The following PTPRA variants were observed in gnomAD, a reference collection of about 807,000 sequenced individuals.
PTPRA encodes protein tyrosine phosphatase receptor type A, also known as receptor-type tyrosine-protein phosphatase alpha.
Under a neutral mutation model 104.8 loss-of-function variants are expected in PTPRA, and 25 were observed. That is an observed-to-expected ratio of 0.24 (90% CI 0.17 to 0.33). The LOEUF (loss-of-function observed/expected upper bound fraction) is 0.33. Ranked by LOEUF, PTPRA falls within the 10% of genes least tolerant of loss-of-function variation. PTPRA has a pLI of 1.00. For missense variants in PTPRA, 765 were observed against 1,015.3 expected (o/e 0.75, Z 3.35); for synonymous variants, 323 against 368.9 (o/e 0.88, Z 1.43).
chr20:2,933,021 A>G (rs958888588), intron 2 of PTPRA, among the ~76,000 whole-genome samples: 1 of 152,252 alleles, frequency 6.6e-6, no homozygotes, highest in African/African-American at 2.4e-5. Flanking sequence ...TAGATCATAT[A>G]TGTAAAAAGC....
In PTPRA at chr20:2,973,123, T is replaced by C. The variant is rs566996845; in HGVS notation, c.416-2092T>C. Among the ~76,000 whole-genome samples, 4 of 151,510 alleles carry C rather than the reference T, an allele frequency of 2.6e-5. No individual in the cohort carries two copies. In the South Asian group the frequency reaches 8.3e-4, roughly 31 times the overall value. ...CTATTAATTTTTAAATTTTGTTTACTTTATGTCTCCTTTTTTTTTTTGTTT... is the reference window on the plus strand; with the variant it reads ...CTATTAATTTTTAAATTTTGTTTACCTTATGTCTCCTTTTTTTTTTTGTTT... On this transcript the variant is annotated intron_variant, in intron 5 of 23. Coordinates refer to ENST00000399903, the MANE Select transcript of PTPRA (RefSeq NM_001385305.1).
intron 1 of PTPRA, among the ~76,000 whole-genome samples, chr20:2,900,146 T>C (rs58773530): frequency 0.051 from 6,960 of 135,908 alleles, 377 homozygotes; most frequent in Admixed American, 0.12. Context: ...ATCTGCCTCC[T>C]TTTTTTTTTT....
intron 20 of PTPRA, among the ~76,000 whole-genome samples, chr20:3,032,230 A>G (rs1173932406): frequency 6.6e-6 from 1 of 152,134 alleles, no homozygotes; most frequent in Non-Finnish European, 1.5e-5. Flanking sequence ...GGGTTTCTGC[A>G]TCTCTCAATC....
intron 5 of PTPRA, among the ~76,000 whole-genome samples, chr20:2,967,039 A>G (rs776299276): frequency 2.6e-5 from 4 of 152,218 alleles, no homozygotes; most frequent in Non-Finnish European, 4.4e-5. Context: ...TTCATTTAAC[A>G]GTTCTGTGAC....
intron 1 of PTPRA, among the ~76,000 whole-genome samples, chr20:2,907,311 GAAA>G (rs200246403): frequency 7.1e-6 from 1 of 140,058 alleles, no homozygotes. Flanking sequence ...AAGCTGAAAA[GAAA>G]AAAAAAAAAG....
Position 2,934,770 on chromosome 20 carries a change from C to G in PTPRA, c.-50+11485C>G, listed in dbSNP as rs28718735. On this transcript the variant is annotated intron_variant, in intron 2 of 23. Transcript: ENST00000399903. ...CACTGCAACCTCTGACTCCCTGATT[C>G]GAGCAATTCTCCTGTCTCAGCCTCC... Among the ~76,000 whole-genome samples, 956 of 148,326 alleles carry G rather than the reference C, an allele frequency of 6.4e-3. 11 individuals carry two copies. The highest frequency in any genetic ancestry group is 9.7e-3 in the Non-Finnish European group (656 of 67,550).
chr20:3,015,995 G>T, intron 12 of PTPRA, 110 bp downstream of exon 12: 1 of 1,091,272 alleles, frequency 9.2e-7, no homozygotes, highest in Admixed American at 2.4e-5. Flanking sequence ...TAGCTTTTCT[G>T]TACTTTTTAC....
In PTPRA at chr20:3,022,274, A is replaced by G. The variant is rs960957588; in HGVS notation, c.1328+54A>G. 1.4e-4 allele frequency: 224 copies of G among 1,587,078 alleles called. 1 individual carries two copies. The highest frequency in any genetic ancestry group is 1.7e-4 in the Non-Finnish European group (202 of 1,162,096). On this transcript the variant is annotated intron_variant, in intron 15 of 23. Coordinates refer to ENST00000399903, the MANE Select transcript of PTPRA (RefSeq NM_001385305.1). This position sits in a 1 kb window ranked among gnomAD's most constrained non-coding sequence, Gnocchi z 4.6. Reference sequence around the variant, plus strand: ...ACCCCCACATTTCGCCCCCATGGCCAGAGCAGGGGAACAGCACAAGGGCCC... The same window carrying G: ...ACCCCCACATTTCGCCCCCATGGCCGGAGCAGGGGAACAGCACAAGGGCCC...
At chr20:3,005,817 G>A (rs2063841620) in intron 10 of PTPRA, among the ~76,000 whole-genome samples, 1 of 152,062 alleles carries the variant, frequency 6.6e-6, no homozygotes, top group Non-Finnish European at 1.5e-5. Flanking sequence ...TTCTAATGCA[G>A]AGTTCTCTGT....
chr20:2,927,512 G>C (rs1028271587), intron 2 of PTPRA, among the ~76,000 whole-genome samples: 8 of 152,166 alleles, frequency 5.3e-5, no homozygotes, highest in Admixed American at 5.2e-4. Context: ...ACTCCAGCCT[G>C]TCAAGGCTAG....
chr20:2,919,172 A>T (rs1054619898), intron 1 of PTPRA, among the ~76,000 whole-genome samples: 8 of 152,194 alleles, frequency 5.3e-5, no homozygotes, highest in African/African-American at 1.9e-4. Flanking sequence ...AAGCAGAAAA[A>T]GTACCCAGAA....
At chr20:2,875,206 T>C (rs1490134073) in intron 1 of PTPRA, among the ~76,000 whole-genome samples, 1 of 152,168 alleles carries the variant, frequency 6.6e-6, no homozygotes, top group African/African-American at 2.4e-5. Flanking sequence ...CCCAGGACTT[T>C]TAGTATTTCT....
In PTPRA at chr20:3,022,667, AC is replaced by A; in HGVS notation, c.1329-17del. On this transcript the variant is annotated intron_variant, in intron 15 of 23. Transcript: ENST00000399903. The surrounding 1 kb of genome is among the most constrained non-coding windows in gnomAD (Gnocchi z 4.6). The stretch of plus-strand genomic sequence containing the variant: ...ACAAGGCAGGCTGGCCATCCCTATA[AC>A]CCCCTGCTCTCTGGCTACAGTGCAG... 3 of 1,613,546 alleles carry A rather than the reference AC, an allele frequency of 1.9e-6. No individual in the cohort carries two copies. Among genetic ancestry groups the A allele is most frequent in the Non-Finnish European group, 2.5e-6 (3 of 1,179,804 alleles).
chr20:2,887,713 A>T (rs1236961415), intron 1 of PTPRA, among the ~76,000 whole-genome samples: 2 of 152,360 alleles, frequency 1.3e-5, no homozygotes, highest in Middle Eastern at 3.4e-3. Flanking sequence ...AATATTGTAA[A>T]TGCATTGATA....
rs992720825 is a variant in PTPRA at position 2,947,993 on chromosome 20, A to C, written c.-38A>C. 1 of 1,094,200 alleles carries C rather than the reference A, an allele frequency of 9.1e-7. No homozygotes were observed. The highest frequency in any genetic ancestry group is 1.2e-6 in the Non-Finnish European group (1 of 814,612). 67.8% of individuals were successfully genotyped at this position (1,094,200 alleles called of 1,614,324 possible). On this transcript the variant is annotated 5_prime_UTR_variant, in exon 3 of 24. Transcript: ENST00000399903. ...TTCTTTTTTTCTAGGACACATGTTC[A>C]AAGAGCATAATTAACTTTTTAAAAG...
At chr20:2,897,534 C>T (rs904234041) in intron 1 of PTPRA, among the ~76,000 whole-genome samples, 6 of 151,858 alleles carry the variant, frequency 4.0e-5, no homozygotes, top group Admixed American at 1.3e-4. Context: ...GTTACAGGCA[C>T]CCGCCATCAT....
chr20:2,866,941 T>C, the PTPRA span, among the ~76,000 whole-genome samples: 1 of 152,330 alleles, frequency 6.6e-6, no homozygotes, highest in East Asian at 1.9e-4. Flanking sequence ...TAGGGAGAGA[T>C]GGCACAAAAC....
At chr20:2,864,657 C>T in the PTPRA span, 1 of 1,613,866 alleles carries the variant, frequency 6.2e-7, no homozygotes, top group Non-Finnish European at 8.5e-7. This position sits in a 1 kb window ranked among gnomAD's most constrained non-coding sequence, Gnocchi z 5.2. Flanking sequence ...CAGAAGAGGT[C>T]TGAGATCCAT....
chr20:3,022,307 G>T lies in PTPRA; in HGVS notation c.1328+87G>T. 6.6e-7 allele frequency: 1 copy of T among 1,506,642 alleles called. No individual in the cohort carries two copies. Among genetic ancestry groups the T allele is most frequent in the Non-Finnish European group, 9.1e-7 (1 of 1,103,366 alleles). The allele number at this position is 1,506,642 out of a possible 1,614,324, so 93.3% of individuals were successfully genotyped here. A position where few individuals can be genotyped will look rare whatever the true frequency, so the allele number is the denominator to read the frequency against. ...GGAACAGCACAAGGGCCCTGGCTGA[G>T]GAGGCTGGCACAGAGTAGATGACCT... On this transcript the variant is annotated intron_variant, in intron 15 of 23. Transcript: ENST00000399903. This position sits in a 1 kb window ranked among gnomAD's most constrained non-coding sequence, Gnocchi z 4.6.
Sources: gnomAD v4.1 joint callset for allele counts (sites outside exome capture counted in the v4.1 genomes callset) on GRCh38, gnomAD v4.1.1 for gene constraint, Gnocchi (gnomAD v3.1) non-coding constraint, MANE v1.5 for transcripts, NCBI Gene and HGNC (gene_info 2026-07-23, HGNC 2026-07-21) for gene names.